The following MLLT10 variants were observed in gnomAD, a reference collection of about 807,000 sequenced individuals.
MLLT10 encodes protein AF-10.
Under a neutral mutation model 129.1 loss-of-function variants are expected in MLLT10, and 30 were observed. That is an observed-to-expected ratio of 0.23 (90% confidence interval 0.17 to 0.32). The LOEUF is 0.32. Among genes scored for constraint, MLLT10 ranks in the 10% least tolerant of loss-of-function variants. The probability of loss-of-function intolerance (pLI) is 1.00; values close to 1 mark genes in which losing one functional copy is unlikely to be tolerated. For synonymous variants in MLLT10, 490 were observed against 446.4 expected (o/e 1.10, Z -1.23); for missense variants, 1,119 against 1,268.3 (o/e 0.88, Z 1.79).
intron 21 of MLLT10, among the ~76,000 whole-genome samples, chr10:21,735,579 A>G (rs1433403801): frequency 2.0e-5 from 3 of 152,212 alleles, no homozygotes; most frequent in African/African-American, 4.8e-5. Flanking sequence ...AAGAAGTGGA[A>G]TAAGTGGGGA....
chr10:21,702,565 T>C (rs1424912526), intron 13 of MLLT10, among the ~76,000 whole-genome samples: 1 of 152,242 alleles, frequency 6.6e-6, no homozygotes, highest in Non-Finnish European at 1.5e-5. Flanking sequence ...TTTATCCCTC[T>C]CTTTAGGTTT....
intron 18 of MLLT10, among the ~76,000 whole-genome samples, chr10:21,733,299 C>T (rs1462475383): frequency 6.6e-6 from 1 of 152,012 alleles, no homozygotes; most frequent in African/African-American, 2.4e-5. Context: ...ACTTAAATGT[C>T]TAATGATCTC....
chr10:21,598,136 C>A (rs1221090392), intron 5 of MLLT10, among the ~76,000 whole-genome samples: 1 of 152,224 alleles, frequency 6.6e-6, no homozygotes, highest in Admixed American at 6.5e-5. Flanking sequence ...TTACATTCAT[C>A]AGTTGACATT....
At chr10:21,557,768 G>C (rs1256691988) in intron 3 of MLLT10, 15 of 152,080 alleles carry the variant, frequency 9.9e-5, no homozygotes, top group Admixed American at 3.9e-4. Flanking sequence ...TGTGGCTGGA[G>C]TGGGGAGGGT....
intron 13 of MLLT10, chr10:21,688,570 A>C (rs751050479): frequency 9.5e-6 from 15 of 1,583,276 alleles, no homozygotes; most frequent in Non-Finnish European, 1.2e-5. Flanking sequence ...GGTTCTAAAC[A>C]TAATAGTGTT....
chr10:21,657,228 C>T (rs2131337834), intron 9 of MLLT10, among the ~76,000 whole-genome samples: 1 of 151,956 alleles, frequency 6.6e-6, no homozygotes, highest in South Asian at 2.1e-4. Context: ...CCTGTCTCTA[C>T]TAAAAATACA....
At chr10:21,736,034 TTTTG>T (rs1458084923) in intron 21 of MLLT10, among the ~76,000 whole-genome samples, 1 of 152,152 alleles carries the variant, frequency 6.6e-6, no homozygotes, top group Non-Finnish European at 1.5e-5. Flanking sequence ...ATAATCTTAG[TTTTG>T]TTTATCTCAT....
intron 9 of MLLT10, among the ~76,000 whole-genome samples, chr10:21,667,969 A>T (rs560536384): frequency 6.6e-6 from 1 of 152,284 alleles, no homozygotes; most frequent in African/African-American, 2.4e-5. Flanking sequence ...CTTTTAAAAG[A>T]TTAAGTTGCC....
At chr10:21,589,851 G>A (rs571796868) in intron 4 of MLLT10, among the ~76,000 whole-genome samples, 10 of 152,144 alleles carry the variant, frequency 6.6e-5, no homozygotes, top group Admixed American at 3.9e-4. Flanking sequence ...TGATAAATTC[G>A]TTTTTTGGCA....
In MLLT10 at chr10:21,722,510, A is replaced by G. The variant is rs538169209; in HGVS notation, c.1879-3734A>G. Among the ~76,000 whole-genome samples the G allele has an allele frequency of 1.3e-4, 20 of 152,254 alleles. No homozygotes were observed. The East Asian group carries it at 1.7e-3, about 13-fold the overall frequency. ...AGTTTTTTTTAATACAAAAGCTTTC[A>G]TGCCCTTGATGCTTCATAACCCTTA... On this transcript the variant is annotated intron_variant, in intron 14 of 22. Transcript: ENST00000307729.
chr10:21,624,932 TG>T, intron 8 of MLLT10: 1 of 1,312,658 alleles, frequency 7.6e-7, no homozygotes, highest in Non-Finnish European at 1.1e-6. Context: ...CTCTTGGAGG[TG>T]GTGCTCCCCT....
chr10:21,624,505 AAC>A, intron 8 of MLLT10: 2 of 770,116 alleles, frequency 2.6e-6, no homozygotes, highest in Non-Finnish European at 4.0e-6. Context: ...TTAAAGATGA[AAC>A]AGTTAAACAA....
At chr10:21,674,211 T>C (rs2051815141) in intron 11 of MLLT10, among the ~76,000 whole-genome samples, 1 of 152,200 alleles carries the variant, frequency 6.6e-6, no homozygotes, top group African/African-American at 2.4e-5. Flanking sequence ...TTAGAATTTA[T>C]TTCCTATTTT....
chr10:21,708,861 T>G, intron 13 of MLLT10: 3 of 547,446 alleles, frequency 5.5e-6, no homozygotes, highest in Non-Finnish European at 4.7e-6. Context: ...CAGATACATT[T>G]TTAATGAAAG....
chr10:21,723,347 G>A (rs770310460), intron 14 of MLLT10, among the ~76,000 whole-genome samples: 1 of 152,120 alleles, frequency 6.6e-6, no homozygotes, highest in Non-Finnish European at 1.5e-5. Context: ...AAAGCCCTTG[G>A]CAGAAGGAAC....
chr10:21,653,334 G>A (rs1285960047), intron 9 of MLLT10, among the ~76,000 whole-genome samples: 1 of 152,164 alleles, frequency 6.6e-6, no homozygotes, highest in Non-Finnish European at 1.5e-5. Flanking sequence ...CCTTGTGATT[G>A]GTTGTAGGAC....
At chr10:21,734,488 T>TAGGAAACTAA (rs2058203980) in intron 20 of MLLT10, among the ~76,000 whole-genome samples, 1 of 152,220 alleles carries the variant, frequency 6.6e-6, no homozygotes, top group African/African-American at 2.4e-5. Flanking sequence ...TGTAATATTT[T>TAGGAAACTAA]TAATGTTCTA....
chr10:21,566,499 T>G (rs1004818390), intron 3 of MLLT10, among the ~76,000 whole-genome samples: 2 of 151,788 alleles, frequency 1.3e-5, no homozygotes, highest in African/African-American at 4.8e-5. Flanking sequence ...AGCTAATTTT[T>G]ATATTTTTAG....
chr10:21,698,922 T>G (rs2054623934), intron 13 of MLLT10, among the ~76,000 whole-genome samples: 1 of 152,246 alleles, frequency 6.6e-6, no homozygotes, highest in African/African-American at 2.4e-5. Flanking sequence ...TTGCCCAGGC[T>G]GGAGTGCAGT....
Sources: gnomAD v4.1 joint callset for allele counts (sites outside exome capture counted in the v4.1 genomes callset) on GRCh38, gnomAD v4.1.1 for gene constraint, MANE v1.5 for transcripts, NCBI Gene and HGNC (gene_info 2026-07-23, HGNC 2026-07-21) for gene names.